The following GALNT2 variants were observed in gnomAD, a reference collection of about 807,000 sequenced individuals.
GALNT2 encodes polypeptide N-acetylgalactosaminyltransferase 2, also known as UDP-GalNAc:polypeptide N-acetylgalactosaminyltransferase 2.
GALNT2 carries 31 observed loss-of-function variants against 81.4 expected under a neutral mutation model. The ratio of observed to expected loss-of-function variants is 0.38; its 90% CI spans 0.29 to 0.51. GALNT2 has a LOEUF of 0.51. GALNT2 is among the 20% of genes least tolerant of loss of function. GALNT2 has a pLI of 0.87. For missense variants in GALNT2, 629 were observed against 765.7 expected, an observed-to-expected ratio of 0.82 and a Z score of 2.11; for synonymous variants, 303 against 287.4, an observed-to-expected ratio of 1.05 and a Z score of -0.55.
In GALNT2 at chr1:230,257,155, A is replaced by C. The variant is rs892707993; in HGVS notation, c.1136+1811A>C. On this transcript the variant is annotated intron_variant, in intron 11 of 15. Coordinates refer to ENST00000366672, the MANE Select transcript of GALNT2 (RefSeq NM_004481.5). This position sits in a 1 kb window ranked among gnomAD's most constrained non-coding sequence, Gnocchi z 4.6. ...CTTTGCAGGTCATGGGAAACGTTGG[A>C]TGTTATTTGATTCTGAAGGAAAACA... Among the ~76,000 whole-genome samples, 1 of 152,210 alleles carries C rather than the reference A, an allele frequency of 6.6e-6. No individual in the cohort carries two copies. Among genetic ancestry groups the C allele is most frequent in the African/African-American group, 2.4e-5 (1 of 41,458 alleles).
At chr1:230,076,796 T>G (rs1230277767) in intron 1 of GALNT2, among the ~76,000 whole-genome samples, 1 of 152,156 alleles carries the variant, frequency 6.6e-6, no homozygotes, top group African/African-American at 2.4e-5. Flanking sequence ...GTGCGTCCAG[T>G]GTACTTCTGG....
At chr1:230,240,506 C>T (rs748262495) in intron 6 of GALNT2, among the ~76,000 whole-genome samples, 8 of 152,174 alleles carry the variant, frequency 5.3e-5, no homozygotes, top group South Asian at 2.1e-4. Context: ...GCAGAAGACT[C>T]GCTTGAACAT....
chr1:230,105,716 A>G (rs1660524889), intron 1 of GALNT2, among the ~76,000 whole-genome samples: 2 of 152,170 alleles, frequency 1.3e-5, no homozygotes, highest in African/African-American at 2.4e-5. Flanking sequence ...AGAGAACGTG[A>G]GCACCTGTGT....
chr1:230,119,845 C>T (rs1056385454), intron 1 of GALNT2, among the ~76,000 whole-genome samples: 1 of 152,130 alleles, frequency 6.6e-6, no homozygotes, highest in African/African-American at 2.4e-5. Context: ...CACATTTTCC[C>T]AGCTTTGGTC....
At chr1:230,146,216 C>T (rs978410355) in intron 1 of GALNT2, among the ~76,000 whole-genome samples, 1 of 152,118 alleles carries the variant, frequency 6.6e-6, no homozygotes, top group Admixed American at 6.5e-5. Context: ...AGTTATTTTT[C>T]CCCTCCCTTT....
At chr1:230,187,729 G>C (rs929012350) in intron 2 of GALNT2, among the ~76,000 whole-genome samples, 2 of 152,212 alleles carry the variant, frequency 1.3e-5, no homozygotes, top group African/African-American at 4.8e-5. Flanking sequence ...AGCACTGGAA[G>C]TGGCTCTCAG....
chr1:230,178,366 C>A, intron 2 of GALNT2, 55 bp downstream of exon 2: 1 of 1,313,912 alleles, frequency 7.6e-7, no homozygotes, highest in Non-Finnish European at 1.1e-6. Flanking sequence ...TGGGAGTGGA[C>A]TGAGCATGGC....
At chr1:230,137,704 G>A (rs1482916938) in intron 1 of GALNT2, among the ~76,000 whole-genome samples, 1 of 152,228 alleles carries the variant, frequency 6.6e-6, no homozygotes, top group Non-Finnish European at 1.5e-5. Context: ...CTTTCTGGAC[G>A]AGTCCAGCTC....
At chr1:230,220,570 C>T (rs577092390) in intron 3 of GALNT2, among the ~76,000 whole-genome samples, 1 of 152,192 alleles carries the variant, frequency 6.6e-6, no homozygotes, top group East Asian at 1.9e-4. Flanking sequence ...CACTCCCTCA[C>T]TGTCACCACG....
intron 6 of GALNT2, among the ~76,000 whole-genome samples, chr1:230,240,660 T>G (rs1406154862): frequency 8.2e-5 from 12 of 146,640 alleles, no homozygotes; most frequent in Non-Finnish European, 1.8e-4. Flanking sequence ...TGTCTCTATA[T>G]CTGTTTTTTT....
intron 1 of GALNT2, among the ~76,000 whole-genome samples, chr1:230,069,596 TCA>T (rs1343481366): frequency 6.6e-6 from 1 of 152,202 alleles, no homozygotes; most frequent in Non-Finnish European, 1.5e-5. Flanking sequence ...AGCCCTGCTG[TCA>T]CGAATGCCTG....
chr1:230,130,745 G>A (rs1325316202), intron 1 of GALNT2, among the ~76,000 whole-genome samples: 1 of 152,218 alleles, frequency 6.6e-6, no homozygotes, highest in Non-Finnish European at 1.5e-5. Flanking sequence ...AAGTCTCGGC[G>A]ACAGCTCCTG....
chr1:230,192,366 G>A (rs990846833), intron 2 of GALNT2, among the ~76,000 whole-genome samples: 5 of 152,198 alleles, frequency 3.3e-5, no homozygotes, highest in Non-Finnish European at 5.9e-5. Context: ...TGTGGACAAG[G>A]TCTTGTATGA....
intron 3 of GALNT2, among the ~76,000 whole-genome samples, chr1:230,218,577 G>A (rs1664457544): frequency 6.6e-6 from 1 of 152,216 alleles, no homozygotes; most frequent in African/African-American, 2.4e-5. Context: ...AGCATTGCTG[G>A]AAAGATTAGG....
chr1:230,124,759 T>C (rs936119460), intron 1 of GALNT2, among the ~76,000 whole-genome samples: 1 of 152,188 alleles, frequency 6.6e-6, no homozygotes, highest in Non-Finnish European at 1.5e-5. Context: ...AATGGAGTCA[T>C]GGGGACGGGT....
At chr1:230,272,721 C>A (rs1666187966) in intron 14 of GALNT2, among the ~76,000 whole-genome samples, 1 of 152,106 alleles carries the variant, frequency 6.6e-6, no homozygotes, top group Non-Finnish European at 1.5e-5. Context: ...TGTATAAGGT[C>A]TGAATGCTAG....
chr1:230,241,542 G>C (rs937958477), intron 6 of GALNT2, among the ~76,000 whole-genome samples: 1 of 152,078 alleles, frequency 6.6e-6, no homozygotes, highest in Non-Finnish European at 1.5e-5. Flanking sequence ...TGCCTCCTGG[G>C]TTCAAGCAAT....
chr1:230,262,457 G>A (rs1665906789), intron 11 of GALNT2, 116 bp from the exon 12 acceptor site: 1 of 811,014 alleles, frequency 1.2e-6, no homozygotes, highest in Admixed American at 2.1e-5. Context: ...ATCCCAGCTG[G>A]AGCTGCTGCA....
At chr1:230,145,123 T>C (rs1558107792) in intron 1 of GALNT2, among the ~76,000 whole-genome samples, 1 of 152,130 alleles carries the variant, frequency 6.6e-6, no homozygotes, top group African/African-American at 2.4e-5. Flanking sequence ...CCGTTACACT[T>C]AGAGCGACCC....
Sources: allele counts gnomAD v4.1 joint callset (sites outside exome capture counted in the v4.1 genomes callset), GRCh38; gene constraint gnomAD v4.1.1; non-coding constraint Gnocchi (gnomAD v3.1); transcripts MANE v1.5; gene names NCBI Gene and HGNC (gene_info 2026-07-23, HGNC 2026-07-21).